CRYL1: variants seen among roughly 807,000 people sequenced by gnomAD.
CRYL1 encodes the protein crystallin lambda 1.
In CRYL1, 29 loss-of-function variants were observed where a neutral mutation model predicts 36.6. That is an observed-to-expected ratio of 0.79 (90% CI 0.59 to 1.08). The LOEUF is 1.08. Ranked by LOEUF, CRYL1 falls within the 50% of genes least tolerant of loss-of-function variation. CRYL1 has a pLI of 0.00. For synonymous variants in CRYL1, 152 were observed against 151.5 expected (o/e 1.00, Z -0.02); for missense variants, 411 against 407.9 (o/e 1.01, Z -0.06).
intron 3 of CRYL1, among the ~76,000 whole-genome samples, chr13:20,471,854 T>C (rs2033069504): frequency 6.6e-6 from 1 of 151,972 alleles, no homozygotes; most frequent in Admixed American, 6.6e-5. Context: ...TCTCTTCCTT[T>C]CTTTCATTTT....
intron 3 of CRYL1, among the ~76,000 whole-genome samples, chr13:20,442,856 G>A (rs1328189984): frequency 1.3e-5 from 2 of 152,108 alleles, no homozygotes; most frequent in East Asian, 1.9e-4. Flanking sequence ...AACCACCATC[G>A]GCATGCCCTG....
chr13:20,442,967 C>A (rs980550041), intron 3 of CRYL1, among the ~76,000 whole-genome samples: 1 of 152,212 alleles, frequency 6.6e-6, no homozygotes, highest in African/African-American at 2.4e-5. Flanking sequence ...TTAGACTGAT[C>A]ACTGGCTCAG....
intron 4 of CRYL1, among the ~76,000 whole-genome samples, chr13:20,438,675 G>A (rs1269434785): frequency 6.6e-6 from 1 of 152,098 alleles, no homozygotes; most frequent in African/African-American, 2.4e-5. Context: ...GCCCAACTAG[G>A]TCCTAGCCAG....
intron 3 of CRYL1, among the ~76,000 whole-genome samples, chr13:20,444,102 G>A (rs946294585): frequency 6.6e-6 from 1 of 152,032 alleles, no homozygotes; most frequent in Non-Finnish European, 1.5e-5. Context: ...CTTTTTAGGA[G>A]GTGGACACCA....
At chr13:20,516,772 G>T (rs144656188) in intron 1 of CRYL1, among the ~76,000 whole-genome samples, 1 of 152,104 alleles carries the variant, frequency 6.6e-6, no homozygotes, top group African/African-American at 2.4e-5. Context: ...CAGCCACCAC[G>T]CCCGGCCAAA....
rs543466244 is a variant in CRYL1, at chr13:20,518,853, T to C, written c.42-6303A>G. Among the ~76,000 whole-genome samples, 47 of 152,212 alleles carry C rather than the reference T, an allele frequency of 3.1e-4. No individual in the cohort carries two copies. In the South Asian group the frequency reaches 9.3e-3, roughly 30 times the overall value. ...GAATTGCTGGCGAATTGCATGTGGATGTGAGAAAAAGAAAAATGGAGGACA... is the reference window on the plus strand; with the variant it reads ...GAATTGCTGGCGAATTGCATGTGGACGTGAGAAAAAGAAAAATGGAGGACA... On this transcript the variant is annotated intron_variant, in intron 1 of 7. Transcript: ENST00000298248.
At chr13:20,430,536 C>T in intron 5 of CRYL1, 3 of 985,414 alleles carry the variant, frequency 3.0e-6, no homozygotes, top group East Asian at 2.3e-4. Context: ...ACTACCAGAG[C>T]AGCCCAACTC....
At chr13:20,476,712 ATG>A (rs947880655) in intron 3 of CRYL1, among the ~76,000 whole-genome samples, 1 of 152,170 alleles carries the variant, frequency 6.6e-6, no homozygotes, top group Non-Finnish European at 1.5e-5. Flanking sequence ...ATTCCCGCTT[ATG>A]CCTCATACCT....
At chr13:20,472,890 G>A (rs1185037567) in intron 3 of CRYL1, 4 of 152,434 alleles carry the variant, frequency 2.6e-5, no homozygotes, top group South Asian at 2.1e-4. Context: ...GGAGGGGAGG[G>A]CAGAGGAGAG....
intron 3 of CRYL1, among the ~76,000 whole-genome samples, chr13:20,474,996 T>C (rs932628434): frequency 3.9e-5 from 6 of 152,152 alleles, no homozygotes; most frequent in African/African-American, 1.4e-4. Flanking sequence ...CAGCCCAGCA[T>C]CTGGACCCGT....
At position 20,407,870 on chromosome 13, in the gene CRYL1, A is replaced by G. The variant is rs2031417712; in HGVS notation, c.740-3129T>C. On this transcript the variant is annotated intron_variant, in intron 6 of 7. Coordinates refer to ENST00000298248, the MANE Select transcript of CRYL1 (RefSeq NM_015974.3). ...GTGGGTTTGAATGCCCCAGGTGCAC[A>G]GGCAGGAATCCTTTCTGTTCCCATG... is the stretch of plus-strand genomic sequence containing the variant. Among the ~76,000 whole-genome samples, 10 of 152,232 alleles carry G rather than the reference A, an allele frequency of 6.6e-5. No individual in the cohort carries two copies. The South Asian group carries it at 1.9e-3, about 28-fold the overall frequency.
At chr13:20,462,018 T>A (rs905833739) in intron 3 of CRYL1, among the ~76,000 whole-genome samples, 1 of 36,052 alleles carries the variant, frequency 2.8e-5, no homozygotes, top group South Asian at 1.1e-3. Context: ...GGAGGAGGGG[T>A]CAGGAGGACA....
chr13:20,523,949 C>A (rs2034140837), intron 1 of CRYL1, among the ~76,000 whole-genome samples: 1 of 152,178 alleles, frequency 6.6e-6, no homozygotes, highest in Non-Finnish European at 1.5e-5. Context: ...ATGCATAACA[C>A]TACTCCAAGG....
chr13:20,513,034 C>T (rs559980388), intron 1 of CRYL1, among the ~76,000 whole-genome samples: 1 of 152,148 alleles, frequency 6.6e-6, no homozygotes, highest in Non-Finnish European at 1.5e-5. Flanking sequence ...ATGCATGTAA[C>T]AAAATATCAC....
chr13:20,448,383 G>T (rs2032500065), intron 3 of CRYL1, among the ~76,000 whole-genome samples: 1 of 152,136 alleles, frequency 6.6e-6, no homozygotes, highest in African/African-American at 2.4e-5. Flanking sequence ...AAAATTAAAA[G>T]AAATGATAGC....
At chr13:20,467,825 C>T (rs963686424) in intron 3 of CRYL1, among the ~76,000 whole-genome samples, 3 of 152,156 alleles carry the variant, frequency 2.0e-5, no homozygotes, top group Admixed American at 6.5e-5. Flanking sequence ...CTGCAACGCC[C>T]GGTGCCTCAG....
chr13:20,466,588 G>A lies in CRYL1; in HGVS notation c.276+22782C>T, dbSNP rs1387344811. On this transcript the variant is annotated intron_variant, in intron 3 of 7. Transcript: ENST00000298248. ...AGGGAAATGCAAATTAAAAGAATGA[G>A]TTATCATTGCATACATATCAGACTG... is the stretch of plus-strand genomic sequence containing the variant. 2.6e-5 allele frequency among the ~76,000 whole-genome samples: 4 copies of A among 152,038 alleles called. No individual in the cohort carries two copies. In the East Asian group the frequency reaches 5.8e-4, roughly 22 times the overall value.
At chr13:20,447,541 T>A (rs1187149502) in intron 3 of CRYL1, among the ~76,000 whole-genome samples, 1 of 150,334 alleles carries the variant, frequency 6.7e-6, no homozygotes, top group Non-Finnish European at 1.5e-5. Flanking sequence ...GGCTGACAAG[T>A]ATTAGGTAAA....
At chr13:20,459,101 T>C (rs1242809185) in intron 3 of CRYL1, among the ~76,000 whole-genome samples, 1 of 151,964 alleles carries the variant, frequency 6.6e-6, no homozygotes, top group African/African-American at 2.4e-5. Flanking sequence ...CTGGGCGTGG[T>C]GGCGGGTGCC....
Sources: gnomAD v4.1 joint callset for allele counts (sites outside exome capture counted in the v4.1 genomes callset) on GRCh38, gnomAD v4.1.1 for gene constraint, MANE v1.5 for transcripts, NCBI Gene and HGNC (gene_info 2026-07-23, HGNC 2026-07-21) for gene names.